Variants in RIMKLB observed in about 807,000 individuals in gnomAD.
RIMKLB encodes the protein ribosomal modification protein rimK like family member B.
In RIMKLB, 7 loss-of-function variants were observed where a neutral mutation model predicts 32.0. That is an observed-to-expected ratio of 0.22 (90% CI 0.12 to 0.41). The LOEUF (loss-of-function observed/expected upper bound fraction) is 0.41. Among genes scored for constraint, RIMKLB ranks in the 10% least tolerant of loss-of-function variants. The pLI, the probability that RIMKLB is intolerant of heterozygous loss-of-function variation, is 1.00. For synonymous variants in RIMKLB, 172 were observed against 185.1 expected, an observed-to-expected ratio of 0.93 and a Z score of 0.57; for missense variants, 289 against 498.7, an observed-to-expected ratio of 0.58 and a Z score of 4.00.
Position 8,771,542 on chromosome 12 carries a change from C to T in RIMKLB, c.698-1779C>T, listed in dbSNP as rs145180503. 1.0e-3 allele frequency among the ~76,000 whole-genome samples: 159 copies of T among 152,228 alleles called. 1 individual carries two copies. Among genetic ancestry groups the T allele is most frequent in the African/African-American group, 3.6e-3 (151 of 41,526 alleles). On this transcript the variant is annotated intron_variant, in intron 5 of 5. Coordinates refer to ENST00000535829, the MANE Select transcript of RIMKLB (RefSeq NM_001297776.2). The stretch of plus-strand genomic sequence containing the variant: ...CCTTGGAAGAAGAATAATACTTTGT[C>T]TGAGATATAATTCTTATATTGTAAG...
intron 1 of RIMKLB, among the ~76,000 whole-genome samples, chr12:8,705,769 A>G (rs1311266021): frequency 2.0e-5 from 3 of 152,236 alleles, no homozygotes; most frequent in Non-Finnish European, 4.4e-5. Context: ...AAACTCAGAC[A>G]GGACTTGATG....
chr12:8,741,170 C>T (rs926731525), intron 2 of RIMKLB, among the ~76,000 whole-genome samples: 3 of 151,994 alleles, frequency 2.0e-5, no homozygotes, highest in Non-Finnish European at 2.9e-5. Flanking sequence ...TGAGCCACTG[C>T]ACTCCAGCCT....
chr12:8,736,392 T>C (rs981448328), intron 2 of RIMKLB, among the ~76,000 whole-genome samples: 2 of 152,220 alleles, frequency 1.3e-5, no homozygotes, highest in African/African-American at 4.8e-5. Flanking sequence ...TCGTATATAC[T>C]GTTTATTCAG....
chr12:8,725,652 C>G (rs1239299875), intron 2 of RIMKLB, among the ~76,000 whole-genome samples: 1 of 152,228 alleles, frequency 6.6e-6, no homozygotes, highest in Non-Finnish European at 1.5e-5. Context: ...GAGCCCTGCT[C>G]TGGAGTGGCT....
intron 1 of RIMKLB, among the ~76,000 whole-genome samples, chr12:8,708,031 TAC>T (rs1271473973): frequency 6.6e-6 from 1 of 152,216 alleles, no homozygotes; most frequent in Non-Finnish European, 1.5e-5. Context: ...TAGAATTCTA[TAC>T]AGATTCCACT....
At chr12:8,680,476 C>A (rs1942388242), upstream of RIMKLB, among the ~76,000 whole-genome samples, 1 of 152,210 alleles carries the variant, frequency 6.6e-6, no homozygotes, top group Non-Finnish European at 1.5e-5. Context: ...CCTTATTTAG[C>A]ATAGCATCAA....
intron 4 of RIMKLB, 48 bp downstream of exon 4, chr12:8,752,091 CT>C: frequency 8.4e-7 from 1 of 1,190,370 alleles, no homozygotes; most frequent in Non-Finnish European, 1.2e-6. Context: ...ACTATTCTTG[CT>C]TATTAATATG....
rs148361521 is a variant in RIMKLB at position 8,743,863 on chromosome 12, C to G, written c.176-5999C>G. On this transcript the variant is annotated intron_variant, in intron 2 of 5. Coordinates refer to ENST00000535829, the MANE Select transcript of RIMKLB (RefSeq NM_001297776.2). ...AAACTTATATCTAAAATATTTGTAC[C>G]AAAATCTTAATTTCAGTATTAAGTC... Among the ~76,000 whole-genome samples, 239 of 151,884 alleles carry G rather than the reference C, an allele frequency of 1.6e-3. 3 individuals are homozygous for G. Among genetic ancestry groups the G allele is most frequent in the African/African-American group, 5.4e-3 (223 of 41,272 alleles).
chr12:8,713,939 G>C lies in RIMKLB; in HGVS notation c.73G>C (p.Glu25Gln), dbSNP rs377131188. 7.4e-6 allele frequency: 12 copies of C among 1,614,108 alleles called. No homozygotes were observed. The Admixed American group carries it at 8.3e-5, about 11-fold the overall frequency. The change falls in exon 2 of 6, where the codon GAG (glutamate) becomes CAG (glutamine). Residue 25 changes from glutamate (E) to glutamine (Q), a missense_variant. Around this residue, in one of 3 missense-constraint regions of RIMKLB, gnomAD observed 34 missense variants for 35.3 expected, o/e 0.96. Transcript: ENST00000535829. ...CATCAGGGAAGACTATCCTCAAAAA[G>C]AGATTTTACGAGCATTGAAGGCCAA... Reference protein sequence around the residue: ...RRIREDYPQKEILRALKAKCC... With the variant: ...RRIREDYPQKQILRALKAKCC...
intron 5 of RIMKLB, among the ~76,000 whole-genome samples, chr12:8,769,342 GAA>G (rs1950224351): frequency 1.3e-5 from 2 of 151,740 alleles, no homozygotes; most frequent in Admixed American, 1.3e-4. Flanking sequence ...TTTAACAAAG[GAA>G]AAAATGTATA....
At chr12:8,773,223 T>G in intron 5 of RIMKLB, 98 bp from the exon 6 acceptor site, 2 of 820,268 alleles carry the variant, frequency 2.4e-6, no homozygotes, top group Non-Finnish European at 4.0e-6. Flanking sequence ...TTGTTTTCAC[T>G]ATTAATTTAG....
chr12:8,707,465 T>G (rs928417948), intron 1 of RIMKLB, among the ~76,000 whole-genome samples: 4 of 152,232 alleles, frequency 2.6e-5, no homozygotes, highest in African/African-American at 9.6e-5. Flanking sequence ...TGCGTCACCC[T>G]CCAGGATCTG....
upstream of RIMKLB, among the ~76,000 whole-genome samples, chr12:8,678,532 T>C (rs1338856388): frequency 2.0e-5 from 3 of 152,102 alleles, no homozygotes; most frequent in Non-Finnish European, 4.4e-5. Context: ...TTCTCCATGT[T>C]TGTCAGGCTG....
chr12:8,752,460 G>A (rs911589808), intron 4 of RIMKLB, among the ~76,000 whole-genome samples: 1 of 152,048 alleles, frequency 6.6e-6, no homozygotes, highest in East Asian at 2.0e-4. Context: ...GCTGAGGGAA[G>A]AGAATTGCTT....
intron 5 of RIMKLB, among the ~76,000 whole-genome samples, chr12:8,757,901 C>G (rs1003320279): frequency 6.6e-6 from 1 of 151,942 alleles, no homozygotes; most frequent in African/African-American, 2.4e-5. Context: ...AACTTCTTGC[C>G]AACCTGTAAG....
At chr12:8,755,926 G>A (rs962876644) in intron 5 of RIMKLB, among the ~76,000 whole-genome samples, 3 of 152,118 alleles carry the variant, frequency 2.0e-5, no homozygotes, top group South Asian at 2.1e-4. Context: ...GGCCAAGGTC[G>A]ATGGATCACT....
chr12:8,703,835 GATAAAA>G (rs1943619355), intron 1 of RIMKLB, among the ~76,000 whole-genome samples: 1 of 152,274 alleles, frequency 6.6e-6, no homozygotes, highest in Admixed American at 6.5e-5. Flanking sequence ...AGGATTAAAT[GATAAAA>G]ATAAACCATC....
chr12:8,750,950 G>C (rs1413818827), intron 3 of RIMKLB, among the ~76,000 whole-genome samples: 1 of 152,024 alleles, frequency 6.6e-6, no homozygotes, highest in Non-Finnish European at 1.5e-5. Flanking sequence ...GATTTCATGA[G>C]GCTTTACAAA....
intron 1 of RIMKLB, among the ~76,000 whole-genome samples, chr12:8,707,105 A>C (rs1293100232): frequency 6.6e-6 from 1 of 152,188 alleles, no homozygotes; most frequent in Non-Finnish European, 1.5e-5. Context: ...CAATCAACAC[A>C]GAAGATCCAC....
Sources: gnomAD v4.1 joint callset for allele counts (sites outside exome capture counted in the v4.1 genomes callset) on GRCh38, gnomAD v4.1.1 for gene constraint, gnomAD v4.1.1 regional missense constraint, MANE v1.5 for transcripts, NCBI Gene and HGNC (gene_info 2026-07-23, HGNC 2026-07-21) for gene names.